The following DMD variants were observed in gnomAD, a reference collection of about 807,000 sequenced individuals.
The protein encoded by DMD is dystrophin.
Under a neutral mutation model 330.1 loss-of-function variants are expected in DMD, and 63 were observed. That is an observed-to-expected ratio of 0.19 (90% CI 0.16 to 0.24). The LOEUF (loss-of-function observed/expected upper bound fraction) is 0.24. DMD is among the 10% of genes least tolerant of loss of function. DMD has a pLI of 1.00. For synonymous variants in DMD, 1,223 were observed against 959.8 expected, an observed-to-expected ratio of 1.27 and a Z score of -5.07; for missense variants, 3,344 against 2,684.1, an observed-to-expected ratio of 1.25 and a Z score of -5.43.
intron 44 of DMD, among the ~76,000 whole-genome samples, chrX:32,073,828 C>A (rs1001189302): frequency 4.5e-5 from 5 of 111,064 alleles, no homozygotes; most frequent in East Asian, 2.8e-4. Context: ...AAGAGCATAG[C>A]GTTAAGTATA....
At chrX:31,662,715 T>A in intron 53 of DMD, among the ~76,000 whole-genome samples, 1 of 111,685 alleles carries the variant, frequency 9.0e-6, no homozygotes, top group Admixed American at 9.5e-5. Flanking sequence ...CTTAAGGAAG[T>A]CATTAACCTT....
At chrX:32,256,495 C>A (rs1667967368) in intron 43 of DMD, among the ~76,000 whole-genome samples, 1 of 110,160 alleles carries the variant, frequency 9.1e-6, no homozygotes, top group Non-Finnish European at 1.9e-5. Context: ...TTAATTGGGG[C>A]ATTTAGCCCA....
At chrX:33,305,446 T>C in intron 1 of DMD, among the ~76,000 whole-genome samples, 1 of 95,991 alleles carries the variant, frequency 1.0e-5, no homozygotes, top group Admixed American at 1.1e-4. Flanking sequence ...AGGGATAGCA[T>C]TAGGAGATAT....
chrX:32,521,272 G>T (rs776454909), intron 17 of DMD, among the ~76,000 whole-genome samples: 19 of 111,667 alleles, frequency 1.7e-4, no homozygotes, highest in Non-Finnish European at 3.2e-4. Context: ...CGGGTTCAAG[G>T]AATTCCCCTG....
intron 1 of DMD, among the ~76,000 whole-genome samples, chrX:33,330,881 C>T (rs2054162414): frequency 8.9e-6 from 1 of 111,947 alleles, no homozygotes; most frequent in Non-Finnish European, 1.9e-5. Flanking sequence ...ACATCACTCA[C>T]ACTAGGAACT....
chrX:32,765,514 C>A (rs953206706), intron 7 of DMD, among the ~76,000 whole-genome samples: 9 of 111,377 alleles, frequency 8.1e-5, no homozygotes, highest in African/African-American at 2.9e-4. Context: ...AATTAAACCT[C>A]TTTTCTTTAT....
At chrX:33,063,514 T>G (rs1469212686) in intron 1 of DMD, among the ~76,000 whole-genome samples, 1 of 111,875 alleles carries the variant, frequency 8.9e-6, no homozygotes, top group Non-Finnish European at 1.9e-5. Flanking sequence ...ATGAAAACAC[T>G]AACACCGTCA....
At chrX:32,198,090 A>G (rs2097015181) in intron 44 of DMD, among the ~76,000 whole-genome samples, 1 of 111,826 alleles carries the variant, frequency 8.9e-6, no homozygotes. Flanking sequence ...CAGTTTCTTT[A>G]GCATGAAAGG....
chrX:31,572,790 G>A (rs1487925543), intron 55 of DMD, among the ~76,000 whole-genome samples: 1 of 112,342 alleles, frequency 8.9e-6, no homozygotes, highest in African/African-American at 3.2e-5. Flanking sequence ...GCCTTCTGCA[G>A]TAGCTGGTGC....
At chrX:32,839,079 T>A (rs1360520978) in intron 4 of DMD, among the ~76,000 whole-genome samples, 1 of 111,837 alleles carries the variant, frequency 8.9e-6, no homozygotes, top group East Asian at 2.8e-4. Flanking sequence ...TAGTGTTTTT[T>A]TAGTCATTGT....
intron 44 of DMD, among the ~76,000 whole-genome samples, chrX:32,132,134 A>T (rs1393555966): frequency 8.9e-6 from 1 of 112,064 alleles, no homozygotes; most frequent in Non-Finnish European, 1.9e-5. Flanking sequence ...ATAAAATAAT[A>T]CAAAAATACA....
chrX:33,008,811 TACAC>T (rs370298202), intron 2 of DMD, among the ~76,000 whole-genome samples: 11 of 97,857 alleles, frequency 1.1e-4, no homozygotes, highest in Non-Finnish European at 1.6e-4. Context: ...TACGTATATA[TACAC>T]ATAAATGTAT....
At chrX:31,282,266 G>A (rs1371116622) in intron 62 of DMD, among the ~76,000 whole-genome samples, 4 of 111,864 alleles carry the variant, frequency 3.6e-5, no homozygotes, top group Non-Finnish European at 7.5e-5. Context: ...GTAATCAAAT[G>A]TAATGACGTG....
chrX:32,787,252 G>A (rs1170606847), intron 7 of DMD, among the ~76,000 whole-genome samples: 2 of 98,807 alleles, frequency 2.0e-5, no homozygotes, highest in African/African-American at 7.5e-5. Context: ...GTGTGTGAGA[G>A]AGAGAGAGAG....
intron 16 of DMD, among the ~76,000 whole-genome samples, chrX:32,547,881 T>A (rs2049134216): frequency 9.0e-6 from 1 of 111,604 alleles, no homozygotes; most frequent in East Asian, 2.8e-4. Context: ...TAAGACTTCC[T>A]CTTGTTAAAA....
At chrX:32,531,514 T>G (rs1228768632) in intron 17 of DMD, among the ~76,000 whole-genome samples, 1 of 112,048 alleles carries the variant, frequency 8.9e-6, no homozygotes. Context: ...ATATATCATT[T>G]TAAGCATCTT....
rs756237102 is a variant in DMD, at chrX:33,261,303, G to T, written c.7+77956C>A. On this transcript the variant is annotated intron_variant, in intron 1 of 17. Coordinates refer to the DMD transcript ENST00000288447. ...ACTTATTTAATATATAGAAGAATAA[G>T]AAAGAAAATATAAAAAAAGAAAGAG... Among the ~76,000 whole-genome samples the T allele has an allele frequency of 4.8e-3, 532 of 110,791 alleles. 1 individual carries two copies. Among genetic ancestry groups the T allele is most frequent in the Middle Eastern group, 0.014 (3 of 213 alleles).
chrX:32,496,266 T>A (rs984243401), intron 19 of DMD, among the ~76,000 whole-genome samples: 3 of 111,712 alleles, frequency 2.7e-5, no homozygotes, highest in Non-Finnish European at 3.8e-5. Context: ...GAATAGAAAC[T>A]TAAAATAAAG....
chrX:32,290,402 C>G (rs2097461897), intron 42 of DMD, among the ~76,000 whole-genome samples: 1 of 111,967 alleles, frequency 8.9e-6, no homozygotes, highest in African/African-American at 3.2e-5. Flanking sequence ...GTTGGGCTTC[C>G]AAAGCTCAAA....
Sources: gnomAD v4.1 joint callset for allele counts (sites outside exome capture counted in the v4.1 genomes callset) on GRCh38, gnomAD v4.1.1 for gene constraint, MANE v1.5 for transcripts, NCBI Gene and HGNC (gene_info 2026-07-23, HGNC 2026-07-21) for gene names.